Variants in PABPC4 observed in about 807,000 individuals in gnomAD.
PABPC4 encodes the protein poly(A) binding protein cytoplasmic 4.
In PABPC4, 15 loss-of-function variants were observed where a neutral mutation model predicts 74.5. That is an observed-to-expected ratio of 0.20 (90% confidence interval 0.13 to 0.31). The LOEUF (loss-of-function observed/expected upper bound fraction) is 0.31, where lower values mean the gene tolerates loss of function less well. Among genes scored for constraint, PABPC4 ranks in the 10% least tolerant of loss-of-function variants. The pLI is 1.00. For missense variants in PABPC4, 610 were observed against 853.5 expected (o/e 0.71, Z 3.55); for synonymous variants, 345 against 303.0 (o/e 1.14, Z -1.44).
At chr1:39,569,771 T>C in intron 4 of PABPC4, 82 bp from the exon 5 acceptor site, 1 of 1,588,878 alleles carries the variant, frequency 6.3e-7, no homozygotes, top group Non-Finnish European at 8.6e-7. Flanking sequence ...GAAACTCACT[T>C]GAAGCAAATC....
rs1410382220 is a variant in PABPC4 at position 39,560,859 on chromosome 1, G to C, written c.*277C>G. Reference sequence around the variant, plus strand: ...TCTTTATTGGGAAACGTAAGACTTGGGTACATCAAATAAAACCAATTTCTG... The same window carrying C: ...TCTTTATTGGGAAACGTAAGACTTGCGTACATCAAATAAAACCAATTTCTG... On this transcript the variant is annotated 3_prime_UTR_variant, in exon 16 of 16. Coordinates refer to ENST00000372858, the MANE Select transcript of PABPC4 (RefSeq NM_001135653.2). 1 of 205,022 alleles carries C rather than the reference G, an allele frequency of 4.9e-6. No homozygotes were observed. Among genetic ancestry groups the C allele is most frequent in the African/African-American group, 2.3e-5 (1 of 43,580 alleles). 12.7% of individuals were successfully genotyped at this position (205,022 alleles called of 1,614,324 possible). A position where few individuals can be genotyped will look rare whatever the true frequency, so the allele number is the denominator to read the frequency against.
In PABPC4 at chr1:39,567,839, T is replaced by C; in HGVS notation, c.884A>G (p.Asn295Ser). 1 of 1,562,576 alleles carries C rather than the reference T, an allele frequency of 6.4e-7. No individual in the cohort carries two copies. Among genetic ancestry groups the C allele is most frequent in the Non-Finnish European group, 8.8e-7 (1 of 1,133,826 alleles). The stretch of plus-strand genomic sequence containing the variant: ...GTCATCCAAGTTCTTAATGTAGAGA[T>C]TCACCCCCTGAAGGAAAAAGATCAC... ...QERISRYQGV[N>S]LYIKNLDDTI... Residue 295 changes from asparagine (N) to serine (S), a missense_variant, in exon 7 of 16, where the codon AAT becomes AGT. Around this residue, in one of 4 missense-constraint regions of PABPC4, gnomAD observed 304 missense variants for 478.9 expected, o/e 0.63. Coordinates refer to ENST00000372858, the MANE Select transcript of PABPC4 (RefSeq NM_001135653.2).
chr1:39,565,911 A>C (rs990316597), intron 7 of PABPC4, among the ~76,000 whole-genome samples: 2 of 152,102 alleles, frequency 1.3e-5, no homozygotes, highest in African/African-American at 2.4e-5. Context: ...ACAAACCTAC[A>C]AATAGGAAAA....
intron 2 of PABPC4, chr1:39,571,593 C>A: frequency 6.9e-6 from 4 of 580,768 alleles, no homozygotes; most frequent in South Asian, 1.8e-5. Flanking sequence ...AACAAACAAA[C>A]AAAAAATACT....
chr1:39,569,769 C>G lies in PABPC4; in HGVS notation c.644-80G>C, dbSNP rs1049606049. ...CAGAAGGCTTCCCTCTGGAAACTCA[C>G]TTGAAGCAAATCTCTGGAGCAGTGC... On this transcript the variant is annotated intron_variant, in intron 4 of 15. Coordinates refer to ENST00000372858, the MANE Select transcript of PABPC4 (RefSeq NM_001135653.2). 2.6e-5 allele frequency: 42 copies of G among 1,589,182 alleles called. No homozygotes were observed. In the African/African-American group the frequency reaches 5.4e-4, roughly 20 times the overall value.
chr1:39,567,904 A>C lies in PABPC4; in HGVS notation c.877-58T>G, dbSNP rs539030824. ...CTATATCACAAATATTCCCTAAGAA[A>C]GTGGTTCCCCAAGGGTGGCCCCAGA... On this transcript the variant is annotated intron_variant, in intron 6 of 15. Coordinates refer to ENST00000372858, the MANE Select transcript of PABPC4 (RefSeq NM_001135653.2). 7.7e-5 allele frequency: 80 copies of C among 1,033,974 alleles called. 1 individual carries two copies. The South Asian group carries it at 1.0e-3, about 13-fold the overall frequency. The allele number at this position is 1,033,974 out of a possible 1,614,324, so 64.0% of individuals were successfully genotyped here. A position where few individuals can be genotyped will look rare whatever the true frequency, so the allele number is the denominator to read the frequency against.
intron 10 of PABPC4, 130 bp downstream of exon 10, chr1:39,564,293 G>A: frequency 3.7e-6 from 4 of 1,094,278 alleles, no homozygotes; most frequent in Non-Finnish European, 5.2e-6. Context: ...GGCCACCTAA[G>A]CACACAGCTA....
rs1645777146 is a variant in PABPC4 at position 39,562,184 on chromosome 1, G to A, written c.1782C>T (p.Leu594=). 1 of 1,614,190 alleles carries A rather than the reference G, an allele frequency of 6.2e-7. No individual in the cohort carries two copies. The highest frequency in any genetic ancestry group is 1.1e-5 in the South Asian group (1 of 91,082). ...KQMLGERLFP[L]IQTMHSNLAG... is the part of the protein sequence containing the mutation. ...CCAGATTTGAATGCATTGTTTGGAT[G>A]AGTGGGAACAAGCGTTCTCCTATGG... Residue 594 remains leucine, a synonymous_variant, in exon 14 of 16, where the codon CTC becomes CTT. Transcript: ENST00000372858.
At position 39,570,959 on chromosome 1, in the gene PABPC4, C is replaced by T; in HGVS notation, c.503+275G>A. The T allele has an allele frequency of 4.0e-6, 4 of 1,003,756 alleles. No individual in the cohort carries two copies. In the South Asian group the frequency reaches 6.9e-5, roughly 17 times the overall value. 62.2% of individuals were successfully genotyped at this position (1,003,756 alleles called of 1,614,324 possible). On this transcript the variant is annotated intron_variant, in intron 3 of 15. Transcript: ENST00000372858. ...GAGTGAGCTTAGAGCTGCTTTCCAG[C>T]CAGCCCCAGTTGTTGATGCTCACAA...
chr1:39,570,335 A>G lies in PABPC4; in HGVS notation c.504-333T>C, dbSNP rs567344044. The G allele has an allele frequency of 2.0e-5, 5 of 247,028 alleles. No homozygotes were observed. In the South Asian group the frequency reaches 5.8e-4, roughly 29 times the overall value. The allele number at this position is 247,028 out of a possible 1,614,324, so 15.3% of individuals were successfully genotyped here. On this transcript the variant is annotated intron_variant, in intron 3 of 15. Transcript: ENST00000372858. ...CATAGAAAAGGTCTGGAAGGATACAAACCAAACTGTTAACAGTGGTTAATC... is the reference window on the plus strand; with the variant it reads ...CATAGAAAAGGTCTGGAAGGATACAGACCAAACTGTTAACAGTGGTTAATC...
At position 39,562,432 on chromosome 1, in the gene PABPC4, G is replaced by A. The variant is rs200233849; in HGVS notation, c.1669-16C>T. On this transcript the variant is annotated splice_polypyrimidine_tract_variant and intron_variant, in intron 12 of 15. Coordinates refer to ENST00000372858, the MANE Select transcript of PABPC4 (RefSeq NM_001135653.2). ...GCTGGGGTGCCTGGGAACCAGGAAA[G>A]GCAGTGGGTTAGCACTGAGGAAAGG... 8.1e-6 allele frequency: 13 copies of A among 1,603,974 alleles called. No homozygotes were observed. The East Asian group carries it at 2.5e-4, about 30-fold the overall frequency.
intron 15 of PABPC4, 91 bp from the exon 16 acceptor site, chr1:39,561,213 A>G: frequency 2.2e-6 from 1 of 454,290 alleles, no homozygotes. Context: ...ATTCTAGAAG[A>G]GAGTTTCTCA....
In PABPC4 at chr1:39,572,480, G is replaced by A. The variant is rs150672583; in HGVS notation, c.300C>T (p.Asn100=). Residue 100 remains asparagine, a synonymous_variant, in exon 2 of 16, where the codon AAC becomes AAT. Transcript: ENST00000372858. ...ATTTGTCCAGGTTCTTGATGAAGACGTTTCCCACACCAGATTTTCTCAAAG... is the reference window on the plus strand; with the variant it reads ...ATTTGTCCAGGTTCTTGATGAAGACATTTCCCACACCAGATTTTCTCAAAG... ...DPSLRKSGVG[N]VFIKNLDKSI... is the part of the protein sequence containing the mutation. 94 of 1,613,918 alleles carry A rather than the reference G, an allele frequency of 5.8e-5. No homozygotes were observed. The African/African-American group carries it at 7.5e-4, about 13-fold the overall frequency.
chr1:39,572,809 TTCTGGG>T (rs1380298234), intron 1 of PABPC4: 7 of 467,322 alleles, frequency 1.5e-5, no homozygotes, highest in Non-Finnish European at 2.3e-5. Flanking sequence ...CTAAACACCC[TTCTGGG>T]TCTGTGCCCT....
Position 39,564,728 on chromosome 1 carries a change from T to C in PABPC4, c.1291A>G (p.Met431Val). The change falls in exon 9 of 16, where the codon ATG becomes GTG. Residue 431 changes from methionine to valine, a missense_variant. Met to Val is a conservative substitution (Grantham distance 21). Transcript: ENST00000372858. Reference protein sequence around the residue: ...PYYTPNQLAQMRPNPRWQQGG... With the variant: ...PYYTPNQLAQVRPNPRWQQGG... The stretch of plus-strand genomic sequence containing the variant: ...TGCTGCCAGCGTGGATTAGGCCTCA[T>C]CTGTGCTAACTGGTTAGGTGTATAA... 2 of 1,614,146 alleles carry C rather than the reference T, an allele frequency of 1.2e-6. No individual in the cohort carries two copies. The highest frequency in any genetic ancestry group is 1.7e-6 in the Non-Finnish European group (2 of 1,180,016).
At chr1:39,568,086 T>C (rs973674689) in intron 6 of PABPC4, 26 of 319,122 alleles carry the variant, frequency 8.1e-5, no homozygotes, top group African/African-American at 4.8e-4. Flanking sequence ...TGAAACCCCG[T>C]CTCTACTAAA....
chr1:39,563,173 G>A (rs1195910364), intron 12 of PABPC4: 1 of 167,676 alleles, frequency 6.0e-6, no homozygotes, highest in African/African-American at 2.4e-5. Flanking sequence ...GAAAATCTAA[G>A]CTCTAGGTTC....
rs1645959036 is a variant in PABPC4, at chr1:39,572,646, G to A, written c.194-60C>T. 3 of 1,321,980 alleles carry A rather than the reference G, an allele frequency of 2.3e-6. No individual in the cohort carries two copies. The Admixed American group carries it at 5.7e-5, about 25-fold the overall frequency. The allele number at this position is 1,321,980 out of a possible 1,614,324, so 81.9% of individuals were successfully genotyped here. A position where few individuals can be genotyped will look rare whatever the true frequency, so the allele number is the denominator to read the frequency against. On this transcript the variant is annotated intron_variant, in intron 1 of 15. Transcript: ENST00000372858. ...AAACGTCAGCTCCCACAGGCCAACA[G>A]CCTAAGAACAGATTACTCCAGGACT...
chr1:39,574,299 T>C (rs2124006334), intron 1 of PABPC4, among the ~76,000 whole-genome samples: 1 of 152,280 alleles, frequency 6.6e-6, no homozygotes, highest in East Asian at 1.9e-4. Context: ...TCGCAAACTA[T>C]TTCATTAATT....
Sources: allele counts gnomAD v4.1 joint callset (sites outside exome capture counted in the v4.1 genomes callset), GRCh38; gene constraint gnomAD v4.1.1; regional missense constraint gnomAD v4.1.1; transcripts MANE v1.5; gene names NCBI Gene and HGNC (gene_info 2026-07-23, HGNC 2026-07-21).